RUSC2: variants seen among roughly 807,000 people sequenced by gnomAD.
RUSC2 encodes AP-4 complex accessory subunit RUSC2.
RUSC2 carries 34 observed loss-of-function variants against 122.2 expected under a neutral mutation model. The observed-to-expected ratio is 0.28, with a 90% CI of 0.21 to 0.37. The LOEUF is 0.37. RUSC2 is among the 10% of genes least tolerant of loss of function. RUSC2 has a pLI of 1.00. For missense variants in RUSC2, 1,747 were observed against 1,952.4 expected (o/e 0.89, Z 1.98); for synonymous variants, 784 against 790.0 (o/e 0.99, Z 0.13).
At chr9:35,520,062 G>C (rs944065767) in intron 1 of RUSC2, among the ~76,000 whole-genome samples, 3 of 152,190 alleles carry the variant, frequency 2.0e-5, no homozygotes, top group African/African-American at 7.2e-5. Context: ...AAATATATAA[G>C]TTACTCTCAC....
In RUSC2 at chr9:35,558,589, A is replaced by G; in HGVS notation, c.3341+22A>G. The G allele has an allele frequency of 1.3e-6, 2 of 1,592,286 alleles. No individual in the cohort carries two copies. Among genetic ancestry groups the G allele is most frequent in the South Asian group, 1.1e-5 (1 of 90,614 alleles). ...TCAAGTGAGTGCACAGAGCAGCAAG[A>G]TCCCCTAAACAACTTGCCCTGCCCC... On this transcript the variant is annotated intron_variant, in intron 8 of 11. Transcript: ENST00000361226. This position sits in a 1 kb window ranked among gnomAD's most constrained non-coding sequence, Gnocchi z 4.3.
Position 35,546,447 on chromosome 9 carries a change from T to G in RUSC2, c.-75T>G. The stretch of plus-strand genomic sequence containing the variant: ...CTCTCCAGGTGCCAAGCTCTCCTGA[T>G]GAAATGTGTTCTGCCCCACTGGGCT... On this transcript the variant is annotated 5_prime_UTR_variant, in exon 2 of 12. It removes an upstream start codon present in the reference 5' UTR. Transcript: ENST00000361226. This position sits in a 1 kb window ranked among gnomAD's most constrained non-coding sequence, Gnocchi z 4.3. 2.4e-5 allele frequency: 27 copies of G among 1,143,908 alleles called. No homozygotes were observed. The highest frequency in any genetic ancestry group is 2.9e-5 in the East Asian group (1 of 35,040). The allele number at this position is 1,143,908 out of a possible 1,614,324, so 70.9% of individuals were successfully genotyped here. A position where few individuals can be genotyped will look rare whatever the true frequency, so the allele number is the denominator to read the frequency against.
chr9:35,517,070 T>C (rs1821123094), intron 1 of RUSC2, among the ~76,000 whole-genome samples: 1 of 152,194 alleles, frequency 6.6e-6, no homozygotes, highest in Non-Finnish European at 1.5e-5. Context: ...TTTAAAAAGA[T>C]GTGGCAGTAC....
chr9:35,555,798 C>T lies in RUSC2; in HGVS notation c.2656+97C>T, dbSNP rs1051271417. Reference sequence around the variant, plus strand: ...GGTTGCTTACACTCTCACCTGGGGCCAGAGGTTAGGATGTCTGCATCCCTC... The same window carrying T: ...GGTTGCTTACACTCTCACCTGGGGCTAGAGGTTAGGATGTCTGCATCCCTC... On this transcript the variant is annotated intron_variant, in intron 3 of 11. Transcript: ENST00000361226. The surrounding 1 kb of genome is among the most constrained non-coding windows in gnomAD (Gnocchi z 4.6). 1 of 1,481,842 alleles carries T rather than the reference C, an allele frequency of 6.7e-7. No homozygotes were observed. The highest frequency in any genetic ancestry group is 2.3e-5 in the East Asian group (1 of 43,870). The allele number at this position is 1,481,842 out of a possible 1,614,324, so 91.8% of individuals were successfully genotyped here.
rs1270394370 is a variant in RUSC2, at chr9:35,557,269, A to T, written c.2984-645A>T. Among the ~76,000 whole-genome samples, 1 of 152,072 alleles carries T rather than the reference A, an allele frequency of 6.6e-6. No homozygotes were observed. The highest frequency in any genetic ancestry group is 1.5e-5 in the Non-Finnish European group (1 of 68,024). ...GTTCCTTGCAAAGGCAGAAGGGGAG[A>T]ATCAGAGCTCAGGGAGAAAGAACCC... On this transcript the variant is annotated intron_variant, in intron 5 of 11. Coordinates refer to ENST00000361226, the MANE Select transcript of RUSC2 (RefSeq NM_014806.5). This position sits in a 1 kb window ranked among gnomAD's most constrained non-coding sequence, Gnocchi z 4.6.
chr9:35,491,636 C>T (rs1820569926), intron 1 of RUSC2, among the ~76,000 whole-genome samples: 1 of 152,180 alleles, frequency 6.6e-6, no homozygotes, highest in Admixed American at 6.5e-5. Context: ...CTGTCTCCCA[C>T]CCTCTTACAT....
At position 35,547,918 on chromosome 9, in the gene RUSC2, A is replaced by G; in HGVS notation, c.1397A>G (p.Gln466Arg). The change falls in exon 2 of 12, where the codon CAA (glutamine) becomes CGA (arginine). Residue 466 changes from glutamine to arginine, a missense_variant. Gln to Arg is a conservative substitution (Grantham distance 43). Transcript: ENST00000361226. The surrounding 1 kb of genome is among the most constrained non-coding windows in gnomAD (Gnocchi z 4.6). Reference sequence around the variant, plus strand: ...CAAGAAGCAGTGAGTTCCTCCACCCAAGCAGCAGCTGCTGTGGGCCCCACT... The same window carrying G: ...CAAGAAGCAGTGAGTTCCTCCACCCGAGCAGCAGCTGCTGTGGGCCCCACT... ...EEQEAVSSST[Q>R]AAAAVGPTVL... 6.8e-6 allele frequency: 11 copies of G among 1,614,160 alleles called. No homozygotes were observed. The highest frequency in any genetic ancestry group is 9.3e-6 in the Non-Finnish European group (11 of 1,180,030).
chr9:35,547,072 A>C lies in RUSC2; in HGVS notation c.551A>C (p.Gln184Pro). The change falls in exon 2 of 12, where the codon CAG becomes CCG. Residue 184 changes from glutamine to proline, a missense_variant. Physicochemically the swap from Gln to Pro is moderately conservative, Grantham distance 76. Transcript: ENST00000361226. This position sits in a 1 kb window ranked among gnomAD's most constrained non-coding sequence, Gnocchi z 4.6. ...CCAGTGATGACCTTGGATACTCAGC[A>C]GTGCGGCACCAGCCACTGCTGCCGG... ...QEPVMTLDTQ[Q>P]CGTSHCCRPE... is the part of the protein sequence containing the mutation. 1 of 1,613,656 alleles carries C rather than the reference A, an allele frequency of 6.2e-7. No individual in the cohort carries two copies. Among genetic ancestry groups the C allele is most frequent in the Non-Finnish European group, 8.5e-7 (1 of 1,179,762 alleles).
chr9:35,515,573 T>C (rs1821086695), intron 1 of RUSC2, among the ~76,000 whole-genome samples: 1 of 152,174 alleles, frequency 6.6e-6, no homozygotes, highest in South Asian at 2.1e-4. Flanking sequence ...CAGACAAAAA[T>C]TGCAAGCCCA....
chr9:35,500,134 C>T (rs1820794403), intron 1 of RUSC2, among the ~76,000 whole-genome samples: 2 of 123,416 alleles, frequency 1.6e-5, no homozygotes, highest in South Asian at 2.5e-4. Flanking sequence ...GTGATTCAGA[C>T]GTTTCTGCCT....
intron 1 of RUSC2, among the ~76,000 whole-genome samples, chr9:35,495,674 A>G (rs1239717477): frequency 2.6e-5 from 4 of 152,092 alleles, no homozygotes; most frequent in Non-Finnish European, 5.9e-5. Context: ...TTCCATATGA[A>G]TTTTAGGATG....
Position 35,547,819 on chromosome 9 carries a change from C to G in RUSC2, c.1298C>G (p.Pro433Arg). 6.2e-7 allele frequency: 1 copy of G among 1,612,034 alleles called. No homozygotes were observed. The highest frequency in any genetic ancestry group is 8.5e-7 in the Non-Finnish European group (1 of 1,179,202). The change falls in exon 2 of 12, where the codon CCT becomes CGT. Residue 433 changes from proline to arginine, a missense_variant. Pro to Arg is a moderately radical substitution (Grantham distance 103). Transcript: ENST00000361226. This position sits in a 1 kb window ranked among gnomAD's most constrained non-coding sequence, Gnocchi z 4.6. ...EHTKISPPPG[P>R]GPDPGPSQPS... ...ACCAAGATAAGTCCCCCACCAGGCC[C>G]TGGCCCAGACCCAGGCCCCAGCCAG...
intron 1 of RUSC2, among the ~76,000 whole-genome samples, chr9:35,524,170 A>G (rs372363055): frequency 3.7e-4 from 56 of 152,066 alleles, no homozygotes; most frequent in African/African-American, 1.3e-3. Context: ...TAAAAATACA[A>G]AAAATTAGCT....
At chr9:35,532,607 G>T (rs940902175) in intron 1 of RUSC2, among the ~76,000 whole-genome samples, 2 of 152,080 alleles carry the variant, frequency 1.3e-5, no homozygotes, top group Non-Finnish European at 2.9e-5. Context: ...ATAGCTGGGT[G>T]TGGTGGCATG....
In RUSC2 at chr9:35,560,829, C is replaced by T. The variant is rs769521071; in HGVS notation, c.4189C>T (p.Arg1397Trp). The T allele has an allele frequency of 3.3e-6, 5 of 1,530,848 alleles. No homozygotes were observed. The South Asian group carries it at 5.2e-5, about 16-fold the overall frequency. The allele number at this position is 1,530,848 out of a possible 1,614,324, so 94.8% of individuals were successfully genotyped here. A position where few individuals can be genotyped will look rare whatever the true frequency, so the allele number is the denominator to read the frequency against. ...CCTCTTTGGCTCCCGAAAAGCCCAGCGGGAGGCCCGGCCCACAAATAGGTG... is the reference window on the plus strand; with the variant it reads ...CCTCTTTGGCTCCCGAAAAGCCCAGTGGGAGGCCCGGCCCACAAATAGGTG... ...GHLFGSRKAQ[R>W]EARPTNRLPS... The change falls in exon 10 of 12, where the codon CGG becomes TGG. Residue 1397 changes from arginine to tryptophan, a missense_variant. Arg to Trp is a moderately radical substitution (Grantham distance 101). Coordinates refer to ENST00000361226, the MANE Select transcript of RUSC2 (RefSeq NM_014806.5).
At position 35,501,471 on chromosome 9, in the gene RUSC2, C is replaced by T. The variant is rs140570151; in HGVS notation, c.-93+11299C>T. On this transcript the variant is annotated intron_variant, in intron 1 of 11. Transcript: ENST00000361226. Reference sequence around the variant, plus strand: ...GGGCACCTATAGTTCCAGCTGCTCCCGAGGCTGAGGCACAAGAATTGCTTG... The same window carrying T: ...GGGCACCTATAGTTCCAGCTGCTCCTGAGGCTGAGGCACAAGAATTGCTTG... Among the ~76,000 whole-genome samples the T allele has an allele frequency of 4.7e-3, 718 of 152,174 alleles. 4 individuals are homozygous for T. The highest frequency in any genetic ancestry group is 0.016 in the African/African-American group (676 of 41,534).
intron 1 of RUSC2, among the ~76,000 whole-genome samples, chr9:35,505,760 A>G (rs974191204): frequency 1.3e-5 from 2 of 152,216 alleles, no homozygotes; most frequent in Non-Finnish European, 2.9e-5. Context: ...CAGAAACAAC[A>G]TAATCATCTC....
chr9:35,501,552 GGGTGACAGAGTGA>G (rs1820817256), intron 1 of RUSC2, among the ~76,000 whole-genome samples: 1 of 152,178 alleles, frequency 6.6e-6, no homozygotes, highest in Non-Finnish European at 1.5e-5. Flanking sequence ...ACTCCTGCCT[GGGTGACAGAGTGA>G]GGCTCCATCT....
At position 35,557,860 on chromosome 9, in the gene RUSC2, T is replaced by G; in HGVS notation, c.2984-54T>G. ...GGAAACCTGAGGTTTCAGCCCCAGC[T>G]GAGTTGGTTAAGGACTTGCTCAGGG... On this transcript the variant is annotated intron_variant, in intron 5 of 11. Transcript: ENST00000361226. This position sits in a 1 kb window ranked among gnomAD's most constrained non-coding sequence, Gnocchi z 4.6. 1.3e-6 allele frequency: 2 copies of G among 1,507,160 alleles called. No individual in the cohort carries two copies. Among genetic ancestry groups the G allele is most frequent in the Non-Finnish European group, 1.8e-6 (2 of 1,082,378 alleles). 93.4% of individuals were successfully genotyped at this position (1,507,160 alleles called of 1,614,324 possible).
Sources: gnomAD v4.1 joint callset for allele counts (sites outside exome capture counted in the v4.1 genomes callset) on GRCh38, gnomAD v4.1.1 for gene constraint, Gnocchi (gnomAD v3.1) non-coding constraint, MANE v1.5 for transcripts, NCBI Gene and HGNC (gene_info 2026-07-23, HGNC 2026-07-21) for gene names.